Variants in PDE1C observed in about 807,000 individuals in gnomAD.
PDE1C encodes the protein dual specificity calcium/calmodulin-dependent 3',5'-cyclic nucleotide phosphodiesterase 1C.
PDE1C carries 62 observed loss-of-function variants against 93.1 expected under a neutral mutation model. The observed-to-expected ratio is 0.67, with a 90% CI of 0.54 to 0.82. PDE1C has a LOEUF of 0.82. Among genes scored for constraint, PDE1C ranks in the 40% least tolerant of loss-of-function variants. The probability of loss-of-function intolerance (pLI) is 0.00; values close to 1 mark genes in which losing one functional copy is unlikely to be tolerated. For synonymous variants in PDE1C, 325 were observed against 310.1 expected (o/e 1.05, Z -0.50); for missense variants, 742 against 884.6 (o/e 0.84, Z 2.04).
chr7:31,807,079 G>A (rs1316458784), intron 16 of PDE1C, among the ~76,000 whole-genome samples: 1 of 151,726 alleles, frequency 6.6e-6, no homozygotes, highest in Non-Finnish European at 1.5e-5. Flanking sequence ...CTAAAATAGT[G>A]CAAGTCACTG....
chr7:31,675,733 G>A, the PDE1C span, among the ~76,000 whole-genome samples: 1 of 151,470 alleles, frequency 6.6e-6, no homozygotes, highest in Non-Finnish European at 1.5e-5. Context: ...ATATTGGTTA[G>A]GGCTAAAAAT....
intron 3 of PDE1C, among the ~76,000 whole-genome samples, chr7:32,168,165 C>T (rs1802421437): frequency 6.6e-6 from 1 of 152,168 alleles, no homozygotes; most frequent in South Asian, 2.1e-4. Context: ...TACCTGCATG[C>T]ACCTGCTGTC....
intron 6 of PDE1C, among the ~76,000 whole-genome samples, chr7:31,867,264 A>G (rs1186153705): frequency 6.6e-6 from 1 of 152,060 alleles, no homozygotes; most frequent in Non-Finnish European, 1.5e-5. Context: ...TGCTGCAGCC[A>G]TGACCAAAGC....
At chr7:32,085,835 G>T (rs1417714193) in intron 3 of PDE1C, among the ~76,000 whole-genome samples, 1 of 149,020 alleles carries the variant, frequency 6.7e-6, no homozygotes, top group Non-Finnish European at 1.5e-5. Context: ...AATAAATTAG[G>T]TATTGATGGG....
At chr7:31,740,793 G>A in the PDE1C span, among the ~76,000 whole-genome samples, 1 of 152,148 alleles carries the variant, frequency 6.6e-6, no homozygotes, top group African/African-American at 2.4e-5. Flanking sequence ...TTCAGGCCAG[G>A]CACGGTGGCT....
chr7:31,959,668 A>AT (rs1021202290), intron 2 of PDE1C, among the ~76,000 whole-genome samples: 14 of 152,302 alleles, frequency 9.2e-5, no homozygotes, highest in African/African-American at 3.4e-4. Context: ...TCAATAAGAG[A>AT]TTTTCAAACA....
At chr7:31,872,086 A>G (rs150711852) in intron 6 of PDE1C, among the ~76,000 whole-genome samples, 6 of 152,288 alleles carry the variant, frequency 3.9e-5, no homozygotes, top group Non-Finnish European at 7.4e-5. Context: ...ACATGGATAG[A>G]ATTGGAAGTT....
At chr7:32,028,290 A>C (rs30564) in intron 2 of PDE1C, among the ~76,000 whole-genome samples, 32,722 of 152,000 alleles carry the variant, frequency 0.22, 3,933 homozygotes, top group East Asian at 0.36. Flanking sequence ...TCCAGTGTAA[A>C]TCTAACAGGT....
intron 2 of PDE1C, among the ~76,000 whole-genome samples, chr7:31,917,646 C>T (rs1457540154): frequency 6.6e-6 from 1 of 151,962 alleles, no homozygotes; most frequent in Non-Finnish European, 1.5e-5. Flanking sequence ...CACGAAAAAC[C>T]ACAGAATCAA....
chr7:32,159,087 C>A (rs757673377), intron 3 of PDE1C, among the ~76,000 whole-genome samples: 4 of 152,124 alleles, frequency 2.6e-5, no homozygotes, highest in Non-Finnish European at 5.9e-5. Flanking sequence ...ATATATGCAT[C>A]GATCTCTGTG....
intron 3 of PDE1C, among the ~76,000 whole-genome samples, chr7:32,116,576 G>A (rs1798996917): frequency 6.6e-6 from 1 of 152,156 alleles, no homozygotes; most frequent in Non-Finnish European, 1.5e-5. Flanking sequence ...GAAGGTGCCA[G>A]AATTTTTCTG....
In PDE1C at chr7:31,934,174, A is replaced by C. The variant is rs145935923; in HGVS notation, c.129-53314T>G. Among the ~76,000 whole-genome samples, 297 of 152,282 alleles carry C rather than the reference A, an allele frequency of 2.0e-3. 1 individual carries two copies. Among genetic ancestry groups the C allele is most frequent in the Middle Eastern group, 6.8e-3 (2 of 294 alleles). On this transcript the variant is annotated intron_variant, in intron 2 of 17. Coordinates refer to ENST00000396191, the MANE Select transcript of PDE1C (RefSeq NM_001191057.4). Reference sequence around the variant, plus strand: ...CCTTCTGGTGGCCACGATTGCTAAGACACCATCAAATGAATGTAGGACTCC... The same window carrying C: ...CCTTCTGGTGGCCACGATTGCTAAGCCACCATCAAATGAATGTAGGACTCC...
At chr7:32,320,524 A>C (rs574428040) in intron 1 of PDE1C, among the ~76,000 whole-genome samples, 1 of 133,124 alleles carries the variant, frequency 7.5e-6, no homozygotes, top group Non-Finnish European at 1.8e-5. Context: ...AAGTGGGGGG[A>C]AAAAGGTAGA....
intron 3 of PDE1C, among the ~76,000 whole-genome samples, chr7:32,125,359 C>T (rs1799518304): frequency 6.6e-6 from 1 of 152,114 alleles, no homozygotes; most frequent in Non-Finnish European, 1.5e-5. Flanking sequence ...CCAGTAATCC[C>T]ATTACTGGGT....
chr7:31,929,568 T>G (rs879502568), intron 2 of PDE1C, among the ~76,000 whole-genome samples: 2 of 151,796 alleles, frequency 1.3e-5, no homozygotes, highest in African/African-American at 4.8e-5. Context: ...TGCAAAAGAA[T>G]GGAAAACATA....
intron 1 of PDE1C, among the ~76,000 whole-genome samples, chr7:32,427,644 T>C (rs1785561530): frequency 6.6e-6 from 1 of 152,202 alleles, no homozygotes; most frequent in Non-Finnish European, 1.5e-5. Context: ...CTGTGAAAGA[T>C]AAGCCTTCTG....
At chr7:31,967,950 C>G (rs527516157) in intron 2 of PDE1C, among the ~76,000 whole-genome samples, 28 of 152,184 alleles carry the variant, frequency 1.8e-4, no homozygotes, top group East Asian at 1.5e-3. Flanking sequence ...GTATTGATGG[C>G]ACGTATCTCA....
At position 32,047,535 on chromosome 7, in the gene PDE1C, T is replaced by G. The variant is rs1792769714; in HGVS notation, c.128+4019A>C. On this transcript the variant is annotated intron_variant, in intron 2 of 17. Coordinates refer to ENST00000396191, the MANE Select transcript of PDE1C (RefSeq NM_001191057.4). ...TCACTCTTTCTACTGAAATTTGGTCTTGGAAGAGATTAGTATACTCTCCTT... is the reference window on the plus strand; with the variant it reads ...TCACTCTTTCTACTGAAATTTGGTCGTGGAAGAGATTAGTATACTCTCCTT... Among the ~76,000 whole-genome samples, 4 of 152,174 alleles carry G rather than the reference T, an allele frequency of 2.6e-5. No homozygotes were observed. In the South Asian group the frequency reaches 8.3e-4, roughly 31 times the overall value.
At chr7:32,374,256 GAAGAAAGA>G (rs34264888) in intron 1 of PDE1C, among the ~76,000 whole-genome samples, 6,607 of 113,248 alleles carry the variant, frequency 0.058, 191 homozygotes, top group South Asian at 0.071. Flanking sequence ...GAAAGGAAAG[GAAGAAAGA>G]AAGAAAGAAA....
Sources: gnomAD v4.1 joint callset for allele counts (sites outside exome capture counted in the v4.1 genomes callset) on GRCh38, gnomAD v4.1.1 for gene constraint, MANE v1.5 for transcripts, NCBI Gene and HGNC (gene_info 2026-07-23, HGNC 2026-07-21) for gene names.